Variants in DEPDC4 observed in about 807,000 individuals in gnomAD.
DEPDC4 encodes DEP domain-containing protein 4.
Under a neutral mutation model 52.0 loss-of-function variants are expected in DEPDC4, and 52 were observed. The observed-to-expected ratio is 1.00, with a 90% CI of 0.80 to 1.26. The LOEUF is 1.26. DEPDC4 is among the 50% of genes most tolerant of loss of function. The pLI, the probability that DEPDC4 is intolerant of heterozygous loss-of-function variation, is 0.00. For missense variants in DEPDC4, 530 were observed against 546.9 expected (o/e 0.97, Z 0.31); for synonymous variants, 201 against 196.8 (o/e 1.02, Z -0.18).
At position 100,263,760 on chromosome 12, in the gene DEPDC4, G is replaced by A. The variant is rs1201310608; in HGVS notation, c.291C>T (p.Val97=). ...YKDCFTGSDA[V]DVVLSHLMQN... is the part of the protein sequence containing the mutation. ...GCATAAGATGACTTAAGACCACATC[G>A]ACAGCATCAGAACCAGTGAAACAGT... is the stretch of plus-strand genomic sequence containing the variant. The change falls in exon 2 of 10, where the codon GTC becomes GTT. Residue 97 remains valine (V), a synonymous_variant. Coordinates refer to ENST00000550587, the MANE Select transcript of DEPDC4 (RefSeq NM_001364818.2). The A allele has an allele frequency of 3.1e-6, 5 of 1,614,052 alleles. No homozygotes were observed. The highest frequency in any genetic ancestry group is 1.7e-5 in the Admixed American group (1 of 60,012).
intron 1 of DEPDC4, among the ~76,000 whole-genome samples, chr12:100,266,612 A>C (rs1365742761): frequency 6.6e-6 from 1 of 152,222 alleles, no homozygotes; most frequent in Non-Finnish European, 1.5e-5. Context: ...CATGTATTAG[A>C]AACGCAGATT....
intron 5 of DEPDC4, among the ~76,000 whole-genome samples, chr12:100,252,743 A>C (rs11609629): frequency 0.016 from 2,419 of 152,346 alleles, 18 homozygotes; most frequent in Non-Finnish European, 0.021. Context: ...AGCTATATCC[A>C]GCATTATCAA....
chr12:100,253,992 T>C (rs1177002638), intron 4 of DEPDC4, among the ~76,000 whole-genome samples: 2 of 152,202 alleles, frequency 1.3e-5, no homozygotes, highest in African/African-American at 2.4e-5. Context: ...TTATTATTTA[T>C]ATCTAATTTT....
chr12:100,246,047 C>G (rs1334693690), intron 8 of DEPDC4, among the ~76,000 whole-genome samples: 2 of 151,798 alleles, frequency 1.3e-5, no homozygotes, highest in African/African-American at 4.8e-5. Flanking sequence ...GCAGCCTTGA[C>G]CTACTGAGCT....
chr12:100,271,936 C>A (rs2096288083), upstream of DEPDC4, among the ~76,000 whole-genome samples: 1 of 152,126 alleles, frequency 6.6e-6, no homozygotes, highest in Non-Finnish European at 1.5e-5. Flanking sequence ...CATGAGCAGG[C>A]AGGACTGAAA....
At chr12:100,244,091 C>CTCTATATATA (rs2096172627) in intron 8 of DEPDC4, among the ~76,000 whole-genome samples, 2 of 34,990 alleles carry the variant, frequency 5.7e-5, no homozygotes, top group East Asian at 1.6e-3. Flanking sequence ...CTCTCTCTCT[C>CTCTATATATA]TGTGTATATA....
At chr12:100,245,437 T>A (rs1396939150) in intron 8 of DEPDC4, among the ~76,000 whole-genome samples, 1 of 152,076 alleles carries the variant, frequency 6.6e-6, no homozygotes. Context: ...GGGCTAATCT[T>A]TGTATTTTTA....
chr12:100,266,982 G>A lies in DEPDC4; in HGVS notation c.95C>T (p.Pro32Leu). The A allele has an allele frequency of 6.2e-7, 1 of 1,614,094 alleles. No homozygotes were observed. Among genetic ancestry groups the A allele is most frequent in the Non-Finnish European group, 8.5e-7 (1 of 1,179,990 alleles). ...CCTGGAACTTGGCCCGTTCAGCCCT[G>A]GGCCCGGAAGCTCGTTCTGACTGAC... is the stretch of plus-strand genomic sequence containing the variant. ...RLVSQNELPG[P>L]GLNGPSSRNR... is the part of the protein sequence containing the mutation. Residue 32 changes from proline to leucine, a missense_variant, in exon 1 of 10, where the codon CCA (proline) becomes CTA (leucine). Coordinates refer to ENST00000550587, the MANE Select transcript of DEPDC4 (RefSeq NM_001364818.2).
downstream of DEPDC4, among the ~76,000 whole-genome samples, chr12:100,235,725 C>T (rs1456957706): frequency 6.6e-6 from 1 of 152,176 alleles, no homozygotes; most frequent in African/African-American, 2.4e-5. Context: ...CAGGTGCCCG[C>T]CACTGCGCCT....
intron 9 of DEPDC4, among the ~76,000 whole-genome samples, chr12:100,233,911 T>TGGGC (rs2096137775): frequency 6.6e-6 from 1 of 152,166 alleles, no homozygotes; most frequent in Non-Finnish European, 1.5e-5. Flanking sequence ...TAGAAAATCT[T>TGGGC]TTATGAGCTT....
intron 3 of DEPDC4, among the ~76,000 whole-genome samples, chr12:100,256,604 T>C (rs1392646619): frequency 6.6e-6 from 1 of 151,168 alleles, no homozygotes; most frequent in Non-Finnish European, 1.5e-5. Context: ...ACATAGATAA[T>C]TGTAGTTCAT....
At chr12:100,272,398 T>C in the DEPDC4 span, among the ~76,000 whole-genome samples, 8 of 152,218 alleles carry the variant, frequency 5.3e-5, no homozygotes, top group African/African-American at 1.7e-4. Flanking sequence ...TCAGGTCTTA[T>C]TTTACAGGCT....
the DEPDC4 span, among the ~76,000 whole-genome samples, chr12:100,278,453 A>G: frequency 6.6e-6 from 1 of 151,794 alleles, no homozygotes; most frequent in African/African-American, 2.4e-5. Context: ...TCCCATCTCT[A>G]ATAGTTTTTA....
chr12:100,257,232 C>T (rs979162289), intron 3 of DEPDC4, among the ~76,000 whole-genome samples: 1 of 152,032 alleles, frequency 6.6e-6, no homozygotes. Flanking sequence ...CATGCACCAC[C>T]CTGCCAGACT....
At chr12:100,232,070 GA>G (rs1265719368) in intron 9 of DEPDC4, among the ~76,000 whole-genome samples, 1 of 152,138 alleles carries the variant, frequency 6.6e-6, no homozygotes, top group Admixed American at 6.6e-5. Flanking sequence ...AATGCTAATA[GA>G]AACTTGAGTC....
intron 8 of DEPDC4, among the ~76,000 whole-genome samples, chr12:100,245,987 A>C (rs1592874648): frequency 6.6e-6 from 1 of 151,588 alleles, no homozygotes; most frequent in East Asian, 1.9e-4. Flanking sequence ...CTGAGACAGA[A>C]TCTCACTCTG....
At chr12:100,257,412 G>GT (rs2096238252) in intron 3 of DEPDC4, among the ~76,000 whole-genome samples, 1 of 147,584 alleles carries the variant, frequency 6.8e-6, no homozygotes, top group South Asian at 2.1e-4. Context: ...TTGAGATGGA[G>GT]TTTTGTTCTT....
chr12:100,248,309 C>G (rs2153906885), intron 8 of DEPDC4, among the ~76,000 whole-genome samples: 1 of 152,088 alleles, frequency 6.6e-6, no homozygotes, highest in African/African-American at 2.4e-5. Context: ...AAATGACTTG[C>G]CCAGACAATT....
At chr12:100,265,193 C>T (rs993839297) in intron 1 of DEPDC4, among the ~76,000 whole-genome samples, 7 of 152,082 alleles carry the variant, frequency 4.6e-5, no homozygotes, top group Non-Finnish European at 7.4e-5. Context: ...GCTCAGGAGG[C>T]TGAGGTGGGA....
Sources: allele counts gnomAD v4.1 joint callset (sites outside exome capture counted in the v4.1 genomes callset), GRCh38; gene constraint gnomAD v4.1.1; transcripts MANE v1.5; gene names NCBI Gene and HGNC (gene_info 2026-07-23, HGNC 2026-07-21).